NXPE1: variants seen among roughly 807,000 people sequenced by gnomAD.
The protein encoded by NXPE1 is NXPE family member 1.
Under a neutral mutation model 33.3 loss-of-function variants are expected in NXPE1, and 31 were observed. The ratio of observed to expected loss-of-function variants is 0.93; its 90% CI spans 0.70 to 1.26. The LOEUF is 1.26. Ranked by LOEUF, NXPE1 falls within the 50% of genes most tolerant of loss-of-function variation. The pLI is 0.00. For missense variants in NXPE1, 661 were observed against 655.6 expected (o/e 1.01, Z -0.09); for synonymous variants, 229 against 231.4 (o/e 0.99, Z 0.09).
At chr11:114,541,925 CA>C (rs35959747) in intron 5 of NXPE1, among the ~76,000 whole-genome samples, 12,207 of 152,172 alleles carry the variant, frequency 0.08, 707 homozygotes, top group East Asian at 0.22. Context: ...TTATGTTTAT[CA>C]ATTGTGTTTA....
chr11:114,525,079 T>C (rs1219811600), intron 7 of NXPE1, among the ~76,000 whole-genome samples: 2 of 152,040 alleles, frequency 1.3e-5, no homozygotes, highest in East Asian at 3.9e-4. Flanking sequence ...CCTTCCCTTA[T>C]GCTCTGTAAG....
intron 1 of NXPE1, among the ~76,000 whole-genome samples, chr11:114,557,039 T>C (rs1948666374): frequency 6.6e-6 from 1 of 151,926 alleles, no homozygotes. Flanking sequence ...ATTACAGGCG[T>C]GAGCCACCAC....
chr11:114,538,112 A>C (rs1947917423), intron 5 of NXPE1, among the ~76,000 whole-genome samples: 1 of 152,228 alleles, frequency 6.6e-6, no homozygotes, highest in African/African-American at 2.4e-5. Flanking sequence ...CAGAGCCCTC[A>C]GAAATAATGC....
At chr11:114,554,720 T>C (rs1452006168) in intron 1 of NXPE1, among the ~76,000 whole-genome samples, 1 of 152,224 alleles carries the variant, frequency 6.6e-6, no homozygotes, top group Non-Finnish European at 1.5e-5. Flanking sequence ...TGACTTCAAG[T>C]CGCTAAGCCA....
chr11:114,524,462 G>C (rs1198141967), intron 7 of NXPE1, among the ~76,000 whole-genome samples: 1 of 152,140 alleles, frequency 6.6e-6, no homozygotes, highest in Non-Finnish European at 1.5e-5. Flanking sequence ...AAATGGTGCT[G>C]GTGGCAGAAT....
intron 5 of NXPE1, among the ~76,000 whole-genome samples, chr11:114,535,939 A>G (rs929168055): frequency 1.3e-5 from 2 of 152,186 alleles, no homozygotes; most frequent in African/African-American, 4.8e-5. Context: ...GACCTAATAG[A>G]CATCTACAGA....
intron 5 of NXPE1, among the ~76,000 whole-genome samples, chr11:114,550,259 C>T (rs1404395984): frequency 2.0e-5 from 3 of 151,994 alleles, no homozygotes; most frequent in Non-Finnish European, 4.4e-5. Context: ...AGTTACAAAA[C>T]GTATGGGGAA....
In NXPE1 at chr11:114,555,387, C is replaced by T. The variant is rs189748566; in HGVS notation, c.-210-2507G>A. Among the ~76,000 whole-genome samples the T allele has an allele frequency of 6.8e-3, 1,032 of 152,186 alleles. 15 individuals carry two copies. Among genetic ancestry groups the T allele is most frequent in the African/African-American group, 0.022 (904 of 41,510 alleles). ...TACAACAGGTATGTGCCACCATGCC[C>T]GGCTAATTTTTTATATTTTAGTAGA... On this transcript the variant is annotated intron_variant, in intron 1 of 8. Transcript: ENST00000534921.
chr11:114,552,758 A>C, intron 2 of NXPE1, 94 bp downstream of exon 2: 1 of 401,356 alleles, frequency 2.5e-6, no homozygotes, highest in Non-Finnish European at 3.4e-6. Flanking sequence ...ATTGAAAAAA[A>C]AGTATGATTG....
chr11:114,531,098 T>C (rs1042212749), intron 5 of NXPE1, among the ~76,000 whole-genome samples, 190 bp from the exon 6 acceptor site: 12 of 151,706 alleles, frequency 7.9e-5, no homozygotes, highest in African/African-American at 2.9e-4. Flanking sequence ...TGAGATATTA[T>C]GATGATGATA....
intron 5 of NXPE1, among the ~76,000 whole-genome samples, chr11:114,532,099 A>C (rs1390888727): frequency 6.6e-6 from 1 of 152,196 alleles, no homozygotes; most frequent in Admixed American, 6.5e-5. Context: ...ACACATATAA[A>C]GCTTTGAAAA....
chr11:114,520,133 TA>T (rs1947180527), downstream of NXPE1, among the ~76,000 whole-genome samples: 1 of 152,166 alleles, frequency 6.6e-6, no homozygotes. Context: ...GTAGAATACC[TA>T]AAATCTAGTC....
chr11:114,521,919 G>T (rs757745730), exon 9 of NXPE1: 2 of 1,321,354 alleles, frequency 1.5e-6, no homozygotes, highest in Non-Finnish European at 2.1e-6. Context: ...ATACATGTGG[G>T]ATTATGTGCA....
intron 7 of NXPE1, among the ~76,000 whole-genome samples, chr11:114,525,385 A>AAAAAC (rs1288312828): frequency 6.6e-6 from 1 of 152,078 alleles, no homozygotes; most frequent in Non-Finnish European, 1.5e-5. Flanking sequence ...ATATAAAAAG[A>AAAAAC]AAAACAAGTT....
At chr11:114,534,189 C>T (rs1252991581) in intron 5 of NXPE1, among the ~76,000 whole-genome samples, 1 of 152,190 alleles carries the variant, frequency 6.6e-6, no homozygotes, top group Non-Finnish European at 1.5e-5. Context: ...TGGAGTGGAC[C>T]TCCAGTAAAC....
At chr11:114,528,321 A>G (rs113233404) in intron 6 of NXPE1, among the ~76,000 whole-genome samples, 2,073 of 152,268 alleles carry the variant, frequency 0.014, 39 homozygotes, top group African/African-American at 0.047. Context: ...CTGCCAGAGC[A>G]CCCTTTCTCA....
At chr11:114,552,437 A>G (rs1475285071) in intron 2 of NXPE1, among the ~76,000 whole-genome samples, 1 of 152,184 alleles carries the variant, frequency 6.6e-6, no homozygotes, top group Non-Finnish European at 1.5e-5. Context: ...TTCCATGTCC[A>G]GTGTCTAGCA....
At chr11:114,535,767 C>T (rs1947795349) in intron 5 of NXPE1, among the ~76,000 whole-genome samples, 2 of 152,242 alleles carry the variant, frequency 1.3e-5, no homozygotes, top group Middle Eastern at 6.8e-3. Context: ...TACAGGAGCA[C>T]CTAGATTCAT....
chr11:114,519,933 C>G (rs371456598), downstream of NXPE1, among the ~76,000 whole-genome samples: 4 of 108,334 alleles, frequency 3.7e-5, no homozygotes, highest in East Asian at 5.8e-4. Flanking sequence ...GCTCTGTAGC[C>G]CAGTCTGGAG....
Sources: gnomAD v4.1 joint callset for allele counts (sites outside exome capture counted in the v4.1 genomes callset) on GRCh38, gnomAD v4.1.1 for gene constraint, MANE v1.5 for transcripts, NCBI Gene and HGNC (gene_info 2026-07-23, HGNC 2026-07-21) for gene names.